Variants in DMD observed in about 807,000 individuals in gnomAD.
DMD encodes dystrophin.
DMD carries 63 observed loss-of-function variants against 330.1 expected under a neutral mutation model. That is an observed-to-expected ratio of 0.19 (90% CI 0.16 to 0.24). The LOEUF (loss-of-function observed/expected upper bound fraction) is 0.24. Ranked by LOEUF, DMD falls within the 10% of genes least tolerant of loss-of-function variation. DMD has a pLI of 1.00. For synonymous variants in DMD, 1,223 were observed against 959.8 expected, an observed-to-expected ratio of 1.27 and a Z score of -5.07; for missense variants, 3,344 against 2,684.1, an observed-to-expected ratio of 1.25 and a Z score of -5.43.
chrX:32,379,292 A>G (rs1274637070), intron 34 of DMD, among the ~76,000 whole-genome samples: 1 of 109,948 alleles, frequency 9.1e-6, no homozygotes, highest in Non-Finnish European at 1.9e-5. Flanking sequence ...CAACAAGCAG[A>G]CAATTCTCCA....
chrX:33,277,308 C>T (rs1374422549), intron 1 of DMD, among the ~76,000 whole-genome samples: 1 of 109,937 alleles, frequency 9.1e-6, no homozygotes, highest in East Asian at 2.9e-4. Context: ...TACAGTGGTG[C>T]CTTTGGGGTG....
At position 32,205,010 on chromosome X, in the gene DMD, T is replaced by TAC. The variant is rs57507348; in HGVS notation, c.6438+11904_6438+11905dup. ...TCTCTCTCTCTCTCTCTCTCTCACA[T>TAC]ACACACACACACACACACACACACA... On this transcript the variant is annotated intron_variant, in intron 44 of 78. Coordinates refer to ENST00000357033, the MANE Select transcript of DMD (RefSeq NM_004006.3). Among the ~76,000 whole-genome samples the TAC allele has an allele frequency of 5.1e-3, 272 of 53,037 alleles. 1 individual carries two copies. Among genetic ancestry groups the TAC allele is most frequent in the South Asian group, 0.036 (24 of 661 alleles). The allele number at this position is 53,037 out of a possible 115,157, so 46.1% of individuals were successfully genotyped here. A position where few individuals can be genotyped will look rare whatever the true frequency, so the allele number is the denominator to read the frequency against.
chrX:33,009,491 T>C (rs2093563666), intron 2 of DMD, among the ~76,000 whole-genome samples: 2 of 89,189 alleles, frequency 2.2e-5, no homozygotes, highest in African/African-American at 8.7e-5. Flanking sequence ...TACACATGTG[T>C]GTATATGTAT....
intron 50 of DMD, among the ~76,000 whole-genome samples, chrX:31,802,305 A>C (rs775317958): frequency 9.0e-6 from 1 of 111,003 alleles, no homozygotes; most frequent in South Asian, 3.8e-4. Context: ...GAATGAGGAG[A>C]GATTAGGTTT....
rs748598265 is a variant in DMD at position 33,250,110 on chromosome X, T to TATATATATATATATATATATA, written c.7+89148_7+89149insTATATATATATATATATATAT. Among the ~76,000 whole-genome samples the TATATATATATATATATATATA allele has an allele frequency of 1.1e-3, 111 of 97,853 alleles. 3 individuals carry two copies. Among genetic ancestry groups the TATATATATATATATATATATA allele is most frequent in the African/African-American group, 4.5e-3 (107 of 23,740 alleles). 85.0% of individuals were successfully genotyped at this position (97,853 alleles called of 115,157 possible). A position where few individuals can be genotyped will look rare whatever the true frequency, so the allele number is the denominator to read the frequency against. ...TTATATATATATATATATATATATATATCAATGTACACTTGTATGTATGTA... is the reference window on the plus strand; with the variant it reads ...TTATATATATATATATATATATATATATATATATATATATATATATAATCAATGTACACTTGTATGTATGTA... On this transcript the variant is annotated intron_variant, in intron 1 of 17. Transcript: ENST00000288447.
intron 7 of DMD, among the ~76,000 whole-genome samples, chrX:32,743,853 C>T (rs774423016): frequency 1.5e-4 from 17 of 111,314 alleles, no homozygotes; most frequent in African/African-American, 4.2e-4. Flanking sequence ...TTAGTCTCTC[C>T]AATGTAGCTC....
chrX:32,728,519 C>T lies in DMD; in HGVS notation c.650-29226G>A, dbSNP rs138377118. On this transcript the variant is annotated intron_variant, in intron 7 of 78. Coordinates refer to ENST00000357033, the MANE Select transcript of DMD (RefSeq NM_004006.3). The stretch of plus-strand genomic sequence containing the variant: ...CATGGCTGCTTTTTATACGCAGCTG[C>T]TTTATTTGAGCTTAGAGAGGAGTAG... 7.0e-3 allele frequency among the ~76,000 whole-genome samples: 786 copies of T among 111,516 alleles called. 6 individuals carry two copies. Among genetic ancestry groups the T allele is most frequent in the Non-Finnish European group, 0.011 (604 of 53,009 alleles).
chrX:31,154,789 T>C (rs1439610160), intron 74 of DMD, among the ~76,000 whole-genome samples: 1 of 111,739 alleles, frequency 8.9e-6, no homozygotes, highest in Non-Finnish European at 1.9e-5. Context: ...ACAGAGAATC[T>C]ATTTACGTTC....
chrX:32,027,189 G>C (rs866186447), intron 44 of DMD, among the ~76,000 whole-genome samples: 1,996 of 81,255 alleles, frequency 0.025, 72 homozygotes, highest in African/African-American at 0.1. Context: ...CACACAGAGA[G>C]AGAGAGAGAG....
chrX:32,896,979 T>C (rs2085780286), intron 2 of DMD, among the ~76,000 whole-genome samples: 2 of 112,355 alleles, frequency 1.8e-5, no homozygotes, highest in East Asian at 2.8e-4. Flanking sequence ...GGTTTTCACA[T>C]TGAGGAAGTA....
At chrX:31,393,132 T>C (rs73617084) in intron 60 of DMD, among the ~76,000 whole-genome samples, 7,371 of 111,939 alleles carry the variant, frequency 0.066, 610 homozygotes, top group African/African-American at 0.22. Context: ...ATGATCTACA[T>C]GTTCACCTCA....
chrX:32,324,017 G>T (rs1246406631), intron 41 of DMD, among the ~76,000 whole-genome samples: 2 of 110,870 alleles, frequency 1.8e-5, no homozygotes, highest in Non-Finnish European at 3.8e-5. Context: ...AATGGGTGAA[G>T]AGAGATTGGT....
chrX:32,720,832 A>C (rs2066225291), intron 7 of DMD, among the ~76,000 whole-genome samples: 1 of 111,589 alleles, frequency 9.0e-6, no homozygotes, highest in African/African-American at 3.2e-5. Flanking sequence ...AAATTTATTT[A>C]TCCCACATAA....
chrX:32,515,963 T>A (rs975647279), intron 18 of DMD, among the ~76,000 whole-genome samples: 1 of 111,679 alleles, frequency 9.0e-6, no homozygotes, highest in African/African-American at 3.3e-5. Flanking sequence ...AAAAGTTGCA[T>A]TTTTTAAAAT....
At chrX:31,914,206 G>A (rs975826781) in intron 47 of DMD, among the ~76,000 whole-genome samples, 5 of 111,753 alleles carry the variant, frequency 4.5e-5, no homozygotes, top group Non-Finnish European at 1.9e-5. Flanking sequence ...ATAGGTGGTC[G>A]TCCAGCACTT....
intron 63 of DMD, among the ~76,000 whole-genome samples, chrX:31,237,154 A>T (rs1032230924): frequency 2.7e-5 from 3 of 112,645 alleles, no homozygotes; most frequent in African/African-American, 9.7e-5. Context: ...TTAGGCTGGT[A>T]TGCATGCTTT....
chrX:32,489,030 C>T (rs1224817624), intron 20 of DMD, among the ~76,000 whole-genome samples: 1 of 111,511 alleles, frequency 9.0e-6, no homozygotes, highest in East Asian at 2.8e-4. Flanking sequence ...CCCTTGGTGG[C>T]TGTATCAGGT....
At chrX:32,697,377 A>G (rs1287934124) in intron 9 of DMD, among the ~76,000 whole-genome samples, 1 of 111,943 alleles carries the variant, frequency 8.9e-6, no homozygotes, top group East Asian at 2.8e-4. Context: ...AAAGGAGAGC[A>G]TATGAAGAAG....
chrX:32,431,863 C>T (rs142139326), intron 29 of DMD, among the ~76,000 whole-genome samples: 1,209 of 110,856 alleles, frequency 0.011, 8 homozygotes, highest in South Asian at 0.047. Flanking sequence ...TTTTCTTGTG[C>T]GTGTGAGTGA....
Sources: gnomAD v4.1 joint callset for allele counts (sites outside exome capture counted in the v4.1 genomes callset) on GRCh38, gnomAD v4.1.1 for gene constraint, MANE v1.5 for transcripts, NCBI Gene and HGNC (gene_info 2026-07-23, HGNC 2026-07-21) for gene names.